The following ATP8A2 variants were observed in gnomAD, a reference collection of about 807,000 sequenced individuals.
ATP8A2 encodes ATPase phospholipid transporting 8A2, also known as phospholipid-transporting ATPase IB.
A neutral mutation model predicts 165.6 loss-of-function variants in ATP8A2; 100 were observed. The observed-to-expected ratio is 0.60, with a 90% confidence interval of 0.51 to 0.71. The LOEUF (loss-of-function observed/expected upper bound fraction) is 0.71, where lower values mean the gene tolerates loss of function less well. Ranked by LOEUF, ATP8A2 falls within the 30% of genes least tolerant of loss-of-function variation. ATP8A2 has a pLI of 0.00. For missense variants in ATP8A2, 1,227 were observed against 1,479.5 expected (o/e 0.83, Z 2.80); for synonymous variants, 543 against 548.8 (o/e 0.99, Z 0.15).
chr13:25,588,542 C>A (rs1338543641), intron 23 of ATP8A2, among the ~76,000 whole-genome samples: 2 of 152,182 alleles, frequency 1.3e-5, no homozygotes, highest in African/African-American at 4.8e-5. Flanking sequence ...CCTTACTCCT[C>A]CCCCTGGCTG....
chr13:25,507,750 A>G (rs1281208207), intron 2 of ATP8A2, among the ~76,000 whole-genome samples: 1 of 152,218 alleles, frequency 6.6e-6, no homozygotes, highest in African/African-American at 2.4e-5. Context: ...CTTAATACTA[A>G]ACCAAGGTGC....
chr13:25,840,508 C>T (rs996563856), intron 30 of ATP8A2, among the ~76,000 whole-genome samples: 3 of 152,146 alleles, frequency 2.0e-5, no homozygotes, highest in African/African-American at 4.8e-5. Context: ...TCTTATGCCA[C>T]GTGATATAGT....
intron 24 of ATP8A2, among the ~76,000 whole-genome samples, chr13:25,683,519 C>T (rs965995417): frequency 4.6e-5 from 7 of 152,140 alleles, no homozygotes; most frequent in African/African-American, 1.7e-4. Context: ...ATGGTTGGCA[C>T]GAATGAATTC....
intron 15 of ATP8A2, among the ~76,000 whole-genome samples, chr13:25,562,841 C>T (rs1419493402): frequency 1.3e-5 from 2 of 152,042 alleles, no homozygotes; most frequent in African/African-American, 4.8e-5. Flanking sequence ...GTTGTCTGGC[C>T]GCATGGGATG....
At chr13:25,607,324 A>G (rs2040543571) in intron 24 of ATP8A2, among the ~76,000 whole-genome samples, 1 of 152,146 alleles carries the variant, frequency 6.6e-6, no homozygotes, top group Non-Finnish European at 1.5e-5. Context: ...TTATAAATAA[A>G]GTTTTATTGA....
At chr13:25,477,861 C>T (rs1045212563) in intron 2 of ATP8A2, among the ~76,000 whole-genome samples, 1 of 152,094 alleles carries the variant, frequency 6.6e-6, no homozygotes, top group Non-Finnish European at 1.5e-5. Context: ...CGCTTGAACC[C>T]GGGAGGTGGA....
intron 24 of ATP8A2, among the ~76,000 whole-genome samples, chr13:25,689,600 T>A (rs2042679201): frequency 6.6e-6 from 1 of 152,174 alleles, no homozygotes; most frequent in Admixed American, 6.5e-5. Context: ...AAAATGTTAA[T>A]CCCCAAAGGT....
chr13:25,601,766 G>A (rs1039310762), intron 24 of ATP8A2, among the ~76,000 whole-genome samples: 7 of 152,172 alleles, frequency 4.6e-5, no homozygotes, highest in Admixed American at 3.3e-4. Context: ...CACTGCGCCC[G>A]GCCAGAAATG....
chr13:25,860,787 GT>G lies in ATP8A2; in HGVS notation c.3019-16del. On this transcript the variant is annotated splice_polypyrimidine_tract_variant and intron_variant, in intron 31 of 36. Coordinates refer to ENST00000381655, the MANE Select transcript of ATP8A2 (RefSeq NM_016529.6). ...ATTGAGAATAATGTGTTTCCAAACTGTCTTTTATTTTCACAGTATGTTGTTG... is the reference window on the plus strand; with the variant it reads ...ATTGAGAATAATGTGTTTCCAAACTGCTTTTATTTTCACAGTATGTTGTTG... 1 of 1,579,454 alleles carries G rather than the reference GT, an allele frequency of 6.3e-7. No homozygotes were observed. Among genetic ancestry groups the G allele is most frequent in the Non-Finnish European group, 8.6e-7 (1 of 1,157,212 alleles).
chr13:25,759,667 TCA>T (rs2044340530), intron 25 of ATP8A2, among the ~76,000 whole-genome samples: 1 of 152,200 alleles, frequency 6.6e-6, no homozygotes, highest in Non-Finnish European at 1.5e-5. Flanking sequence ...AATCCCTGTT[TCA>T]GCATGGGAAC....
At chr13:25,673,261 G>A (rs11839132) in intron 24 of ATP8A2, among the ~76,000 whole-genome samples, 5,320 of 152,180 alleles carry the variant, frequency 0.035, 158 homozygotes, top group East Asian at 0.13. Context: ...CTATAACAGC[G>A]AATACTGATG....
intron 35 of ATP8A2, among the ~76,000 whole-genome samples, chr13:25,995,923 A>G (rs937304338): frequency 4.6e-5 from 7 of 152,136 alleles, no homozygotes; most frequent in African/African-American, 1.7e-4. Flanking sequence ...TTTCAGTTCT[A>G]TCAGTTTTAG....
chr13:25,459,535 C>T (rs2035451444), intron 1 of ATP8A2, among the ~76,000 whole-genome samples: 1 of 152,200 alleles, frequency 6.6e-6, no homozygotes, highest in African/African-American at 2.4e-5. Flanking sequence ...AATGAACACA[C>T]ACATTTTATG....
At chr13:25,958,474 G>A (rs1279017825) in intron 33 of ATP8A2, among the ~76,000 whole-genome samples, 1 of 152,162 alleles carries the variant, frequency 6.6e-6, no homozygotes, top group Non-Finnish European at 1.5e-5. Flanking sequence ...CCAGGGCAGT[G>A]CTGCACAGCT....
chr13:25,402,080 G>A (rs1179353297), intron 1 of ATP8A2, among the ~76,000 whole-genome samples: 4 of 152,088 alleles, frequency 2.6e-5, no homozygotes, highest in African/African-American at 9.7e-5. Context: ...TACCACGACA[G>A]TCAATCCACC....
chr13:25,931,340 A>G (rs1046019589), intron 33 of ATP8A2, among the ~76,000 whole-genome samples: 7 of 152,218 alleles, frequency 4.6e-5, no homozygotes, highest in Admixed American at 2.0e-4. Context: ...TGTATATGCA[A>G]TTATTCCAAA....
In ATP8A2 at chr13:25,917,666, A is replaced by G. The variant is rs554301835; in HGVS notation, c.3184-43909A>G. On this transcript the variant is annotated intron_variant, in intron 33 of 36. Coordinates refer to ENST00000381655, the MANE Select transcript of ATP8A2 (RefSeq NM_016529.6). ...TCAGCTGGTGGCTATAACAATTACA[A>G]TTCATACAAATAAGTGTAATTTCAA... 3.9e-5 allele frequency among the ~76,000 whole-genome samples: 6 copies of G among 152,380 alleles called. No individual in the cohort carries two copies. In the East Asian group the frequency reaches 7.7e-4, roughly 20 times the overall value.
intron 33 of ATP8A2, among the ~76,000 whole-genome samples, chr13:25,887,669 A>G (rs571541877): frequency 5.9e-5 from 9 of 152,334 alleles, no homozygotes; most frequent in Non-Finnish European, 1.3e-4. Flanking sequence ...ATAAATTCAG[A>G]CAAGAGAGGA....
chr13:25,837,226 A>T lies in ATP8A2; in HGVS notation c.2818A>T (p.Met940Leu), dbSNP rs371095109. 6.8e-6 allele frequency: 11 copies of T among 1,613,992 alleles called. No homozygotes were observed. In the Admixed American group the frequency reaches 1.7e-4, roughly 24 times the overall value. The stretch of plus-strand genomic sequence containing the variant: ...TGAGAGGTCTTGCACTCAGGAGAGC[A>T]TGCTCAGGTTTCCCCAGCTCTACAA... ...IFERSCTQES[M>L]LRFPQLYKIT... The change falls in exon 29 of 37, where the codon ATG (methionine) becomes TTG (leucine). Residue 940 changes from methionine to leucine, a missense_variant. By Grantham distance (15) the Met-to-Leu change is conservative. Transcript: ENST00000381655.
Sources: gnomAD v4.1 joint callset for allele counts (sites outside exome capture counted in the v4.1 genomes callset) on GRCh38, gnomAD v4.1.1 for gene constraint, MANE v1.5 for transcripts, NCBI Gene and HGNC (gene_info 2026-07-23, HGNC 2026-07-21) for gene names.